BABAM2: variants seen among roughly 807,000 people sequenced by gnomAD.
BABAM2 encodes BRISC and BRCA1 A complex member 2.
BABAM2 carries 31 observed loss-of-function variants against 54.7 expected under a neutral mutation model. The observed-to-expected ratio is 0.57, with a 90% CI of 0.43 to 0.77. The LOEUF (loss-of-function observed/expected upper bound fraction) is 0.77, where lower values mean the gene tolerates loss of function less well. Ranked by LOEUF, BABAM2 falls within the 30% of genes least tolerant of loss-of-function variation. The pLI is 0.00. For synonymous variants in BABAM2, 167 were observed against 162.9 expected, an observed-to-expected ratio of 1.03 and a Z score of -0.19; for missense variants, 364 against 455.8, an observed-to-expected ratio of 0.80 and a Z score of 1.83.
At chr2:27,937,243 A>G (rs779950857) in intron 3 of BABAM2, among the ~76,000 whole-genome samples, 1 of 152,214 alleles carries the variant, frequency 6.6e-6, no homozygotes, top group Non-Finnish European at 1.5e-5. Flanking sequence ...GGTATTGTTC[A>G]GGGAATAATG....
chr2:28,137,426 A>C (rs1670650262), intron 7 of BABAM2, among the ~76,000 whole-genome samples: 1 of 152,194 alleles, frequency 6.6e-6, no homozygotes, highest in Non-Finnish European at 1.5e-5. Context: ...TCGTTTTACT[A>C]GTCTGGGAGC....
rs77702110 is a variant in BABAM2 at position 28,281,371 on chromosome 2, G to C, written c.935-16967G>C. The stretch of plus-strand genomic sequence containing the variant: ...GATTGGTATTTAGGATTAACCAAAA[G>C]TATATTTTGCTGTATGAAATAGGTC... On this transcript the variant is annotated intron_variant, in intron 10 of 11. Transcript: ENST00000379624. Among the ~76,000 whole-genome samples the C allele has an allele frequency of 7.1e-3, 1,084 of 152,296 alleles. 9 individuals carry two copies. The highest frequency in any genetic ancestry group is 0.025 in the African/African-American group (1,027 of 41,566).
Position 28,248,207 on chromosome 2 carries a change from C to CTTTTTCTTTTTTTTTT in BABAM2, c.934+3350_934+3351insCTTTTTTTTTTTTTTT, listed in dbSNP as rs1553349503. Among the ~76,000 whole-genome samples, 249 of 54,232 alleles carry CTTTTTCTTTTTTTTTT rather than the reference C, an allele frequency of 4.6e-3. 25 individuals carry two copies. Among genetic ancestry groups the CTTTTTCTTTTTTTTTT allele is most frequent in the African/African-American group, 6.1e-3 (92 of 15,036 alleles). The allele number at this position is 54,232 out of a possible 152,430, so 35.6% of individuals were successfully genotyped here. ...AGTAGCTTTTGTTTATTTTCTTTTT[C>CTTTTTCTTTTTTTTTT]TTTTTTTTTTTTTTTTTTTGAGACG... is the stretch of plus-strand genomic sequence containing the variant. On this transcript the variant is annotated intron_variant, in intron 10 of 11. Transcript: ENST00000379624.
chr2:27,934,039 C>A (rs1156301461), intron 3 of BABAM2, among the ~76,000 whole-genome samples: 1 of 151,980 alleles, frequency 6.6e-6, no homozygotes, highest in East Asian at 1.9e-4. Context: ...AGGCAAACCT[C>A]ATTTTATTGT....
intron 6 of BABAM2, among the ~76,000 whole-genome samples, chr2:28,057,346 A>G (rs1049487717): frequency 2.0e-5 from 3 of 152,188 alleles, no homozygotes; most frequent in Non-Finnish European, 2.9e-5. Context: ...TAATCCCTTC[A>G]TATCAGCTTT....
intron 10 of BABAM2, among the ~76,000 whole-genome samples, chr2:28,290,268 A>G (rs974610844): frequency 3.3e-5 from 5 of 152,200 alleles, no homozygotes; most frequent in Non-Finnish European, 5.9e-5. Flanking sequence ...AGTTTTTGTT[A>G]TCACAAGTGG....
intron 6 of BABAM2, among the ~76,000 whole-genome samples, chr2:28,107,425 C>G (rs1265764349): frequency 6.6e-6 from 1 of 152,216 alleles, no homozygotes; most frequent in Non-Finnish European, 1.5e-5. Context: ...CGCTCTGGCC[C>G]TTAAATGTGT....
intron 3 of BABAM2, among the ~76,000 whole-genome samples, chr2:27,932,002 G>A (rs1668131872): frequency 6.6e-6 from 1 of 152,130 alleles, no homozygotes; most frequent in Non-Finnish European, 1.5e-5. Context: ...CTGGAGGCCT[G>A]TTCCTGCATA....
intron 7 of BABAM2, among the ~76,000 whole-genome samples, chr2:28,230,552 T>C (rs1231586513): frequency 1.5e-5 from 1 of 64,658 alleles, no homozygotes; most frequent in South Asian, 7.7e-4. Flanking sequence ...CCTTCCCTAC[T>C]AAAAATACAA....
At chr2:28,337,851 G>A (rs902683124) in intron 11 of BABAM2, among the ~76,000 whole-genome samples, 3 of 152,164 alleles carry the variant, frequency 2.0e-5, no homozygotes, top group African/African-American at 7.2e-5. Flanking sequence ...TGCTGACATG[G>A]TAGCACACAC....
At chr2:28,306,597 G>A (rs751408200) in intron 11 of BABAM2, among the ~76,000 whole-genome samples, 1 of 151,738 alleles carries the variant, frequency 6.6e-6, no homozygotes, top group African/African-American at 2.4e-5. Context: ...TATCCTGTCT[G>A]TGTCTTTATA....
In BABAM2 at chr2:28,020,462, T is replaced by A. The variant is rs192939448; in HGVS notation, c.301-4764T>A. Among the ~76,000 whole-genome samples, 189 of 152,292 alleles carry A rather than the reference T, an allele frequency of 1.2e-3. 4 individuals carry two copies. The East Asian group carries it at 0.027, about 22-fold the overall frequency. On this transcript the variant is annotated intron_variant, in intron 4 of 11. Transcript: ENST00000379624. ...AACAGGAAGAAGCAAAAAACTTTTT[T>A]AAATAGCTCCCAACTATGGATATCA...
chr2:28,267,303 A>T (rs1399061369), intron 10 of BABAM2, among the ~76,000 whole-genome samples: 1 of 152,146 alleles, frequency 6.6e-6, no homozygotes, highest in East Asian at 1.9e-4. Context: ...CAAGAGGCAG[A>T]ACAACTCCAC....
intron 3 of BABAM2, among the ~76,000 whole-genome samples, chr2:27,961,482 G>T (rs1324862094): frequency 6.6e-6 from 1 of 152,160 alleles, no homozygotes; most frequent in Non-Finnish European, 1.5e-5. Context: ...TAATGTAAGT[G>T]TTCTGAGCAC....
At chr2:27,957,848 G>A (rs1250991263) in intron 3 of BABAM2, among the ~76,000 whole-genome samples, 2 of 152,154 alleles carry the variant, frequency 1.3e-5, no homozygotes, top group Non-Finnish European at 2.9e-5. Context: ...GTCATAAAAG[G>A]CAATGAGGCT....
intron 7 of BABAM2, among the ~76,000 whole-genome samples, chr2:28,155,824 A>G (rs1672495134): frequency 6.6e-6 from 1 of 152,196 alleles, no homozygotes; most frequent in Admixed American, 6.5e-5. Flanking sequence ...GTTATCAGCC[A>G]CAGGCAGCTC....
intron 8 of BABAM2, among the ~76,000 whole-genome samples, chr2:28,240,108 TC>T (rs1377498852): frequency 2.0e-5 from 3 of 151,536 alleles, no homozygotes; most frequent in African/African-American, 7.3e-5. Context: ...TTTTCTTTTT[TC>T]TTTTTTTTTT....
Position 28,028,449 on chromosome 2 carries a change from C to T in BABAM2, c.495+3029C>T, listed in dbSNP as rs893277773. Among the ~76,000 whole-genome samples the T allele has an allele frequency of 2.0e-5, 3 of 151,980 alleles. 1 individual carries two copies. Among genetic ancestry groups the T allele is most frequent in the Admixed American group, 2.0e-4 (3 of 15,264 alleles). On this transcript the variant is annotated intron_variant, in intron 5 of 11. Coordinates refer to ENST00000379624, the MANE Select transcript of BABAM2 (RefSeq NM_199191.3). ...CAGAATTACATAGGAATGTGAATAC[C>T]AGAGACCGCTGGGAGCCACTTAGAG...
chr2:27,905,581 T>C (rs1396248835), intron 2 of BABAM2, among the ~76,000 whole-genome samples: 1 of 152,190 alleles, frequency 6.6e-6, no homozygotes, highest in Non-Finnish European at 1.5e-5. Context: ...ATATAATAAA[T>C]AATATGTGGT....
Sources: allele counts gnomAD v4.1 joint callset (sites outside exome capture counted in the v4.1 genomes callset), GRCh38; gene constraint gnomAD v4.1.1; transcripts MANE v1.5; gene names NCBI Gene and HGNC (gene_info 2026-07-23, HGNC 2026-07-21).